CHSY3: variants seen among roughly 807,000 people sequenced by gnomAD.
CHSY3 encodes the protein chondroitin sulfate synthase 3, also known as N-acetylgalactosaminyl-proteoglycan 3-beta-glucuronosyltransferase 3.
Under a neutral mutation model 67.2 loss-of-function variants are expected in CHSY3, and 35 were observed. The observed-to-expected ratio is 0.52, with a 90% CI of 0.40 to 0.69. CHSY3 has a LOEUF of 0.69. CHSY3 is among the 30% of genes least tolerant of loss of function. The probability of loss-of-function intolerance (pLI) is 0.00; values close to 1 mark genes in which losing one functional copy is unlikely to be tolerated. For missense variants in CHSY3, 1,069 were observed against 1,138.5 expected, an observed-to-expected ratio of 0.94 and a Z score of 0.88; for synonymous variants, 474 against 434.7, an observed-to-expected ratio of 1.09 and a Z score of -1.12.
chr5:129,978,219 G>T (rs530404105), intron 2 of CHSY3, among the ~76,000 whole-genome samples: 5 of 152,024 alleles, frequency 3.3e-5, no homozygotes, highest in Admixed American at 2.6e-4. Flanking sequence ...AAAAAAAGAT[G>T]GTCACAATTC....
At chr5:130,000,743 T>C (rs1246732038) in intron 2 of CHSY3, among the ~76,000 whole-genome samples, 3 of 139,262 alleles carry the variant, frequency 2.2e-5, no homozygotes, top group Non-Finnish European at 4.7e-5. Context: ...TTTTTTTTTT[T>C]TTTTTTTTTT....
intron 2 of CHSY3, among the ~76,000 whole-genome samples, chr5:130,165,562 A>G (rs889679663): frequency 2.0e-5 from 3 of 151,820 alleles, no homozygotes; most frequent in African/African-American, 7.3e-5. Context: ...GAACTTCTCC[A>G]TGTTTAGAAA....
At chr5:130,004,541 A>G (rs1763818828) in intron 2 of CHSY3, among the ~76,000 whole-genome samples, 1 of 152,134 alleles carries the variant, frequency 6.6e-6, no homozygotes, top group Non-Finnish European at 1.5e-5. Flanking sequence ...GTATTTGTTG[A>G]TAGTATCTAC....
At chr5:130,062,274 TC>T (rs35664129) in intron 2 of CHSY3, among the ~76,000 whole-genome samples, 3,439 of 152,214 alleles carry the variant, frequency 0.023, 128 homozygotes, top group African/African-American at 0.076. Flanking sequence ...GAGGCCATTA[TC>T]CTCAATGAAC....
chr5:130,029,870 G>T (rs577703851), intron 2 of CHSY3, among the ~76,000 whole-genome samples: 1 of 152,194 alleles, frequency 6.6e-6, no homozygotes, highest in African/African-American at 2.4e-5. Context: ...AAATGGAGGG[G>T]TTGAAGTCCA....
intron 2 of CHSY3, among the ~76,000 whole-genome samples, chr5:129,910,847 C>T (rs1319916730): frequency 6.6e-6 from 1 of 152,024 alleles, no homozygotes; most frequent in Non-Finnish European, 1.5e-5. Context: ...TGAGATTTTA[C>T]ATCTGCTCAT....
intron 2 of CHSY3, among the ~76,000 whole-genome samples, chr5:130,138,386 G>A (rs771307089): frequency 1.1e-4 from 17 of 152,188 alleles, no homozygotes; most frequent in East Asian, 5.8e-4. Context: ...CCAGAATGCC[G>A]GTGGAGCAAG....
At chr5:129,943,389 A>G (rs1192519375) in intron 2 of CHSY3, among the ~76,000 whole-genome samples, 1 of 152,232 alleles carries the variant, frequency 6.6e-6, no homozygotes, top group African/African-American at 2.4e-5. Context: ...AAATTGCAAA[A>G]CAGCGATTGT....
chr5:130,010,252 A>T (rs1246712584), intron 2 of CHSY3, among the ~76,000 whole-genome samples: 1 of 152,192 alleles, frequency 6.6e-6, no homozygotes. Context: ...TTCTCAACAA[A>T]TTATAAAAAC....
rs1045184695 is a variant in CHSY3 at position 129,972,549 on chromosome 5, G to A, written c.1086+64189G>A. ...AGTAAAAGTCTTAATGTCTGTTTTAGGGACTCTCCAAGAAATCTGCATCAT... is the reference window on the plus strand; with the variant it reads ...AGTAAAAGTCTTAATGTCTGTTTTAAGGACTCTCCAAGAAATCTGCATCAT... On this transcript the variant is annotated intron_variant, in intron 2 of 2. Transcript: ENST00000305031. Among the ~76,000 whole-genome samples the A allele has an allele frequency of 2.6e-5, 4 of 151,610 alleles. No individual in the cohort carries two copies. In the East Asian group the frequency reaches 7.8e-4, roughly 29 times the overall value.
At chr5:129,966,088 A>G (rs114711882) in intron 2 of CHSY3, among the ~76,000 whole-genome samples, 34 of 152,018 alleles carry the variant, frequency 2.2e-4, no homozygotes, top group Admixed American at 6.6e-4. Context: ...TATTTGTATT[A>G]TAGGCTGTTA....
intron 2 of CHSY3, among the ~76,000 whole-genome samples, chr5:130,182,163 A>G (rs751362965): frequency 2.2e-4 from 33 of 152,106 alleles, no homozygotes; most frequent in Non-Finnish European, 4.6e-4. Flanking sequence ...TGCCTTCACA[A>G]TGCACAGTAT....
At chr5:129,930,469 A>G (rs1036153043) in intron 2 of CHSY3, among the ~76,000 whole-genome samples, 2 of 144,250 alleles carry the variant, frequency 1.4e-5, no homozygotes, top group East Asian at 4.5e-4. Flanking sequence ...AGTTATACAT[A>G]GATAAGCACC....
chr5:129,994,109 G>T (rs1763456216), intron 2 of CHSY3, among the ~76,000 whole-genome samples: 1 of 152,120 alleles, frequency 6.6e-6, no homozygotes, highest in Non-Finnish European at 1.5e-5. Flanking sequence ...TTCCCCTTGT[G>T]GGTAACCCGA....
chr5:130,002,216 G>A (rs1763747080), intron 2 of CHSY3: 1 of 205,524 alleles, frequency 4.9e-6, no homozygotes, highest in South Asian at 1.7e-4. Context: ...TAAGGAATAG[G>A]TTTTATTGGG....
At position 129,905,378 on chromosome 5, in the gene CHSY3, C is replaced by T. The variant is rs1760235111; in HGVS notation, c.549C>T (p.Tyr183=). The T allele has an allele frequency of 3.8e-6, 6 of 1,594,674 alleles. No homozygotes were observed. The highest frequency in any genetic ancestry group is 2.2e-5 in the South Asian group (2 of 90,068). Residue 183 remains tyrosine, a synonymous_variant, in exon 1 of 3, where the codon TAC becomes TAT. Transcript: ENST00000305031. Reference sequence around the variant, plus strand: ...TGGGGGTGATGACCGCGCAGAAGTACCTGGGCAGCCGCGCGCTGGCCGCGC... The same window carrying T: ...TGGGGGTGATGACCGCGCAGAAGTATCTGGGCAGCCGCGCGCTGGCCGCGC... ...LYVGVMTAQK[Y]LGSRALAAQR... is the part of the protein sequence containing the mutation.
intron 2 of CHSY3, among the ~76,000 whole-genome samples, chr5:130,071,075 C>T (rs993290805): frequency 6.6e-5 from 10 of 151,746 alleles, no homozygotes; most frequent in Non-Finnish European, 1.2e-4. Flanking sequence ...GATGTTTTTT[C>T]GAGATTATAT....
At chr5:130,077,910 A>G (rs1262298389) in intron 2 of CHSY3, among the ~76,000 whole-genome samples, 2 of 152,058 alleles carry the variant, frequency 1.3e-5, no homozygotes, top group Non-Finnish European at 2.9e-5. Context: ...GAAATCTCCT[A>G]GGAAAACTAT....
chr5:130,017,734 A>T (rs969463201), intron 2 of CHSY3, among the ~76,000 whole-genome samples: 7 of 152,142 alleles, frequency 4.6e-5, no homozygotes, highest in African/African-American at 1.7e-4. Context: ...ATGTCCTACT[A>T]ACAATCTTTT....
Sources: gnomAD v4.1 joint callset for allele counts (sites outside exome capture counted in the v4.1 genomes callset) on GRCh38, gnomAD v4.1.1 for gene constraint, MANE v1.5 for transcripts, NCBI Gene and HGNC (gene_info 2026-07-23, HGNC 2026-07-21) for gene names.